The following WDFY3 variants were observed in gnomAD, a reference collection of about 807,000 sequenced individuals.
WDFY3 encodes the protein WD repeat and FYVE domain containing 3, also known as WD repeat and FYVE domain-containing protein 3.
In WDFY3, 66 loss-of-function variants were observed where a neutral mutation model predicts 409.6. That is an observed-to-expected ratio of 0.16 (90% confidence interval 0.13 to 0.20). The LOEUF (loss-of-function observed/expected upper bound fraction) is 0.20. WDFY3 is among the 10% of genes least tolerant of loss of function. The pLI, the probability that WDFY3 is intolerant of heterozygous loss-of-function variation, is 1.00. For missense variants in WDFY3, 3,031 were observed against 4,298.1 expected, an observed-to-expected ratio of 0.71 and a Z score of 8.24; for synonymous variants, 1,521 against 1,537.1, an observed-to-expected ratio of 0.99 and a Z score of 0.25.
At chr4:84,754,015 C>T (rs1465156566) in intron 34 of WDFY3, 139 bp from the exon 35 acceptor site, 6 of 925,494 alleles carry the variant, frequency 6.5e-6, no homozygotes, top group African/African-American at 1.7e-5. Context: ...CACATATGAG[C>T]AAACACACAT....
At chr4:84,741,985 C>CAA in intron 37 of WDFY3, 64 bp from the exon 38 acceptor site, 10 of 1,273,434 alleles carry the variant, frequency 7.9e-6, no homozygotes, top group South Asian at 5.4e-5. Flanking sequence ...ACCAGATCCT[C>CAA]AAAAAAAAAA....
chr4:84,860,451 T>C lies in WDFY3; in HGVS notation c.141A>G (p.Gln47=). The change falls in exon 4 of 68, where the codon CAA becomes CAG. Residue 47 remains glutamine, a synonymous_variant. Coordinates refer to ENST00000295888, the MANE Select transcript of WDFY3 (RefSeq NM_014991.6). ...HPPRHMTQKE[Q]EEKLYMMLPV... ...GCAGCATCATATACAGTTTCTCTTC[T>C]TGTTCCTTCTGAGTCATGTGCCGGG... 13 of 1,614,138 alleles carry C rather than the reference T, an allele frequency of 8.1e-6. No homozygotes were observed. The highest frequency in any genetic ancestry group is 9.3e-6 in the Non-Finnish European group (11 of 1,179,996).
intron 2 of WDFY3, among the ~76,000 whole-genome samples, chr4:84,905,105 GC>G (rs1342432862): frequency 6.6e-6 from 1 of 152,232 alleles, no homozygotes; most frequent in African/African-American, 2.4e-5. Flanking sequence ...GGAGGCCAAG[GC>G]AGGCGGATCA....
At chr4:84,950,944 C>T (rs995789556) in intron 1 of WDFY3, among the ~76,000 whole-genome samples, 13 of 152,174 alleles carry the variant, frequency 8.5e-5, no homozygotes, top group Non-Finnish European at 4.4e-5. Context: ...CTAGGGAGGG[C>T]CTTACCCTAA....
chr4:84,930,983 T>G (rs571437980), intron 2 of WDFY3, among the ~76,000 whole-genome samples: 1 of 152,152 alleles, frequency 6.6e-6, no homozygotes, highest in Admixed American at 6.5e-5. Flanking sequence ...ACTGCAATAT[T>G]TGTTATTATA....
At chr4:84,714,308 C>G (rs1195369771) in intron 50 of WDFY3, among the ~76,000 whole-genome samples, 1 of 152,126 alleles carries the variant, frequency 6.6e-6, no homozygotes, top group Non-Finnish European at 1.5e-5. Flanking sequence ...CAGGGTCTCA[C>G]TATGTTCCCC....
intron 8 of WDFY3, among the ~76,000 whole-genome samples, chr4:84,830,001 T>G (rs571696791): frequency 6.6e-6 from 1 of 152,250 alleles, no homozygotes; most frequent in Non-Finnish European, 1.5e-5. Flanking sequence ...GACTTTCACT[T>G]TCTTATCTTT....
At chr4:84,783,173 C>T in intron 24 of WDFY3, 99 bp from the exon 25 acceptor site, 3 of 1,077,818 alleles carry the variant, frequency 2.8e-6, no homozygotes, top group South Asian at 2.9e-5. Context: ...CATATCTTTT[C>T]TCTCCTCCCT....
At chr4:84,754,861 A>G (rs1183307650) in intron 34 of WDFY3, among the ~76,000 whole-genome samples, 1 of 152,190 alleles carries the variant, frequency 6.6e-6, no homozygotes, top group African/African-American at 2.4e-5. Flanking sequence ...ATTTTATTAC[A>G]TTAATAAGTT....
intron 3 of WDFY3, among the ~76,000 whole-genome samples, chr4:84,884,954 A>G (rs1194099368): frequency 6.6e-6 from 1 of 152,216 alleles, no homozygotes. Context: ...AGATCCAAGT[A>G]TGAAAGGTAA....
chr4:84,769,669 G>A (rs768038580), intron 30 of WDFY3, among the ~76,000 whole-genome samples: 1 of 151,878 alleles, frequency 6.6e-6, no homozygotes, highest in Non-Finnish European at 1.5e-5. Flanking sequence ...TGATCCACCC[G>A]CCTTGGCCTC....
intron 4 of WDFY3, among the ~76,000 whole-genome samples, chr4:84,851,167 A>G (rs189410802): frequency 2.0e-3 from 298 of 151,830 alleles, no homozygotes; most frequent in African/African-American, 6.8e-3. Context: ...ACAGACCATC[A>G]TAAGAAAAGA....
intron 64 of WDFY3, among the ~76,000 whole-genome samples, chr4:84,680,148 G>A (rs762698275): frequency 6.6e-5 from 10 of 152,228 alleles, no homozygotes; most frequent in Admixed American, 5.9e-4. Context: ...TTTGGCATCC[G>A]AAGGTGCTAG....
At chr4:84,936,444 C>G (rs1230448125) in intron 1 of WDFY3, among the ~76,000 whole-genome samples, 1 of 151,974 alleles carries the variant, frequency 6.6e-6, no homozygotes, top group Non-Finnish European at 1.5e-5. Flanking sequence ...TCACTTAAGT[C>G]CAGGAGATTG....
chr4:84,957,274 A>C (rs1473777626), intron 1 of WDFY3, among the ~76,000 whole-genome samples: 1 of 151,632 alleles, frequency 6.6e-6, no homozygotes, highest in Non-Finnish European at 1.5e-5. Flanking sequence ...AAAAAAAAAA[A>C]ACAAAACTAC....
chr4:84,828,071 C>T (rs943646482), intron 9 of WDFY3, among the ~76,000 whole-genome samples: 3 of 149,546 alleles, frequency 2.0e-5, no homozygotes, highest in African/African-American at 5.0e-5. Flanking sequence ...ATAATGAGAC[C>T]CCAGAGGGAG....
intron 14 of WDFY3, 46 bp from the exon 15 acceptor site, chr4:84,808,463 A>G: frequency 6.5e-7 from 1 of 1,547,134 alleles, no homozygotes; most frequent in African/African-American, 1.4e-5. Flanking sequence ...GGTTAGAAGA[A>G]GAGAACACCA....
intron 3 of WDFY3, among the ~76,000 whole-genome samples, chr4:84,865,497 C>T (rs560343747): frequency 2.0e-5 from 3 of 152,198 alleles, no homozygotes; most frequent in African/African-American, 4.8e-5. Flanking sequence ...CCAAATCTCC[C>T]GCCATCCTCC....
At chr4:84,958,301 G>C (rs559556505) in intron 1 of WDFY3, among the ~76,000 whole-genome samples, 1 of 152,182 alleles carries the variant, frequency 6.6e-6, no homozygotes, top group African/African-American at 2.4e-5. Context: ...ATGTCCACAT[G>C]AACTAGCAGT....
Sources: allele counts gnomAD v4.1 joint callset (sites outside exome capture counted in the v4.1 genomes callset), GRCh38; gene constraint gnomAD v4.1.1; transcripts MANE v1.5; gene names NCBI Gene and HGNC (gene_info 2026-07-23, HGNC 2026-07-21).